Variants in ROCK2 observed in about 807,000 individuals in gnomAD.
ROCK2 encodes Rho associated coiled-coil containing protein kinase 2.
ROCK2 carries 61 observed loss-of-function variants against 195.1 expected under a neutral mutation model. That is an observed-to-expected ratio of 0.31 (90% CI 0.25 to 0.39). The LOEUF is 0.39. ROCK2 is among the 10% of genes least tolerant of loss of function. ROCK2 has a pLI of 1.00. For missense variants in ROCK2, 1,109 were observed against 1,637.4 expected (o/e 0.68, Z 5.57); for synonymous variants, 504 against 545.5 (o/e 0.92, Z 1.06).
intron 3 of ROCK2, among the ~76,000 whole-genome samples, chr2:11,267,580 T>C (rs1666462580): frequency 6.6e-6 from 1 of 151,954 alleles, no homozygotes; most frequent in South Asian, 2.1e-4. Flanking sequence ...GCTTCATTGC[T>C]TTCTGAGGCA....
At chr2:11,318,129 C>G (rs376598028) in intron 1 of ROCK2, among the ~76,000 whole-genome samples, 6 of 152,180 alleles carry the variant, frequency 3.9e-5, no homozygotes, top group African/African-American at 1.4e-4. Flanking sequence ...TATATACCCA[C>G]TAATGGGATG....
At chr2:11,343,699 C>G (rs1175552729) in intron 1 of ROCK2, among the ~76,000 whole-genome samples, 2 of 152,182 alleles carry the variant, frequency 1.3e-5, no homozygotes, top group African/African-American at 4.8e-5. Context: ...CCACCCACCT[C>G]CCCAGAGTGG....
chr2:11,305,946 G>C (rs779314885), intron 1 of ROCK2, among the ~76,000 whole-genome samples: 2 of 152,180 alleles, frequency 1.3e-5, no homozygotes, highest in Admixed American at 1.3e-4. Flanking sequence ...ACATAAGCCA[G>C]TATGAAAGGG....
intron 3 of ROCK2, among the ~76,000 whole-genome samples, chr2:11,250,031 C>T (rs1293698163): frequency 6.6e-6 from 1 of 152,106 alleles, no homozygotes; most frequent in East Asian, 1.9e-4. Flanking sequence ...ATATACAACT[C>T]TCTCATTTCA....
At chr2:11,266,762 C>T (rs544602999) in intron 3 of ROCK2, among the ~76,000 whole-genome samples, 1 of 152,190 alleles carries the variant, frequency 6.6e-6, no homozygotes, top group African/African-American at 2.4e-5. Context: ...GATTCTTATC[C>T]TTATTTTAAA....
chr2:11,211,741 G>A lies in ROCK2; in HGVS notation c.2143C>T (p.Leu715=), dbSNP rs1664254865. The A allele has an allele frequency of 3.1e-6, 5 of 1,613,660 alleles. 1 individual carries two copies. In the Admixed American group the frequency reaches 5.0e-5, roughly 16 times the overall value. The part of the protein sequence containing the change: ...EAEHKATKAR[L]ADKNKIYESI... ...TCATAGATCTTATTTTTATCTGCTA[G>A]TCGTGCCTTTGTGGCCTTATGTTCA... is the stretch of plus-strand genomic sequence containing the variant. Residue 715 remains leucine (L), a synonymous_variant, in exon 18 of 33, where the codon CTA becomes TTA. Transcript: ENST00000315872.
At chr2:11,213,994 T>TAA (rs1664337720) in intron 17 of ROCK2, among the ~76,000 whole-genome samples, 1 of 152,210 alleles carries the variant, frequency 6.6e-6, no homozygotes, top group Non-Finnish European at 1.5e-5. Flanking sequence ...ATCCCTTTCT[T>TAA]AGAGTATTTT....
intron 1 of ROCK2, among the ~76,000 whole-genome samples, chr2:11,315,075 C>T (rs1007041131): frequency 3.9e-5 from 6 of 151,930 alleles, no homozygotes; most frequent in African/African-American, 1.4e-4. Context: ...TAACCTTTCT[C>T]AATGCAAAAA....
At chr2:11,317,750 T>G (rs1237927079) in intron 1 of ROCK2, among the ~76,000 whole-genome samples, 1 of 150,998 alleles carries the variant, frequency 6.6e-6, no homozygotes, top group Non-Finnish European at 1.5e-5. Flanking sequence ...TATCTCCTAA[T>G]GCTATCCCTC....
At chr2:11,229,929 C>G (rs1664944700) in intron 5 of ROCK2, among the ~76,000 whole-genome samples, 1 of 151,876 alleles carries the variant, frequency 6.6e-6, no homozygotes. Context: ...AAAGAAATTA[C>G]AAAAAAGAAA....
At chr2:11,215,995 C>CATTTATTTATTTATAACATT (rs1664412736) in intron 13 of ROCK2, among the ~76,000 whole-genome samples, 163 bp downstream of exon 13, 3 of 152,088 alleles carry the variant, frequency 2.0e-5, no homozygotes, top group Non-Finnish European at 4.4e-5. Context: ...AGAATGAAGC[C>CATTTATTTATTTATAACATT]TATTTATAAC....
intron 1 of ROCK2, among the ~76,000 whole-genome samples, chr2:11,332,877 T>C (rs1010481371): frequency 2.0e-5 from 3 of 152,224 alleles, no homozygotes; most frequent in Admixed American, 6.5e-5. Flanking sequence ...CACAGATGAA[T>C]GTCAAAAACA....
chr2:11,223,409 C>G (rs1664702993), intron 7 of ROCK2, among the ~76,000 whole-genome samples: 1 of 152,118 alleles, frequency 6.6e-6, no homozygotes, highest in South Asian at 2.1e-4. Context: ...AAATGTGTAT[C>G]CCAGAATTCC....
rs761142496 is a variant in ROCK2, at chr2:11,335,022, T to C, written c.141+8974A>G. Among the ~76,000 whole-genome samples, 20 of 151,804 alleles carry C rather than the reference T, an allele frequency of 1.3e-4. 1 individual carries two copies. The highest frequency in any genetic ancestry group is 1.6e-4 in the Non-Finnish European group (11 of 67,974). On this transcript the variant is annotated intron_variant, in intron 1 of 32. Coordinates refer to ENST00000315872, the MANE Select transcript of ROCK2 (RefSeq NM_004850.5). ...CTTACCAAAATGAAGTACCAAACCATAAAATCATTCCTGGACTTAGAAACA... is the reference window on the plus strand; with the variant it reads ...CTTACCAAAATGAAGTACCAAACCACAAAATCATTCCTGGACTTAGAAACA...
intron 5 of ROCK2, among the ~76,000 whole-genome samples, chr2:11,231,701 G>C (rs1391679094): frequency 6.6e-6 from 1 of 151,768 alleles, no homozygotes; most frequent in East Asian, 1.9e-4. Context: ...TTTCCTGAGA[G>C]AATAAGGGTG....
At chr2:11,308,327 A>T (rs1193048169) in intron 1 of ROCK2, 18 of 1,136,438 alleles carry the variant, frequency 1.6e-5, no homozygotes, top group Non-Finnish European at 1.9e-5. Flanking sequence ...GAATATTCTT[A>T]CATATAATAA....
At chr2:11,281,228 A>C (rs1328838247) in intron 3 of ROCK2, among the ~76,000 whole-genome samples, 1 of 151,590 alleles carries the variant, frequency 6.6e-6, no homozygotes, top group Non-Finnish European at 1.5e-5. Context: ...AAAAAAAAAA[A>C]AAACCTCAGT....
At chr2:11,331,515 A>T (rs1333224701) in intron 1 of ROCK2, among the ~76,000 whole-genome samples, 8 of 152,366 alleles carry the variant, frequency 5.3e-5, no homozygotes. Flanking sequence ...AAATAAGTTT[A>T]TAAGCTTATA....
chr2:11,344,216 C>A lies in ROCK2; in HGVS notation c.-80G>T. ...GGGGCCTAGCACCGCCCCCGAACCA[C>A]CAGCTCCGGCCGGGACTCCACCCGG... is the stretch of plus-strand genomic sequence containing the variant. On this transcript the variant is annotated 5_prime_UTR_variant, in exon 1 of 33. Transcript: ENST00000315872. The surrounding 1 kb of genome is among the most constrained non-coding windows in gnomAD (Gnocchi z 5.4). The A allele has an allele frequency of 1.5e-6, 2 of 1,331,012 alleles. No individual in the cohort carries two copies. The highest frequency in any genetic ancestry group is 1.9e-6 in the Non-Finnish European group (2 of 1,044,664). 82.5% of individuals were successfully genotyped at this position (1,331,012 alleles called of 1,614,324 possible). A position where few individuals can be genotyped will look rare whatever the true frequency, so the allele number is the denominator to read the frequency against.
Sources: allele counts gnomAD v4.1 joint callset (sites outside exome capture counted in the v4.1 genomes callset), GRCh38; gene constraint gnomAD v4.1.1; non-coding constraint Gnocchi (gnomAD v3.1); transcripts MANE v1.5; gene names NCBI Gene and HGNC (gene_info 2026-07-23, HGNC 2026-07-21).